Variants in HMGA1 observed in about 807,000 individuals in gnomAD.
HMGA1 encodes high mobility group protein HMG-I/HMG-Y.
HMGA1 carries 1 observed loss-of-function variant against 15.1 expected under a neutral mutation model. That is an observed-to-expected ratio of 0.07 (90% confidence interval 0.02 to 0.31). The LOEUF (loss-of-function observed/expected upper bound fraction) is 0.31. Among genes scored for constraint, HMGA1 ranks in the 10% least tolerant of loss-of-function variants. The probability of loss-of-function intolerance (pLI) is 1.00; values close to 1 mark genes in which losing one functional copy is unlikely to be tolerated. For missense variants in HMGA1, 94 were observed against 141.4 expected, an observed-to-expected ratio of 0.66 and a Z score of 1.70; for synonymous variants, 56 against 54.8, an observed-to-expected ratio of 1.02 and a Z score of -0.10.
chr6:34,237,767 G>T (rs571105981), intron 2 of HMGA1, among the ~76,000 whole-genome samples: 6 of 151,464 alleles, frequency 4.0e-5, no homozygotes, highest in Non-Finnish European at 7.4e-5. Context: ...GTGGGGGGTC[G>T]GGCGCCCCCC....
intron 3 of HMGA1, among the ~76,000 whole-genome samples, chr6:34,242,211 G>C (rs761687395): frequency 7.9e-5 from 12 of 152,212 alleles, no homozygotes; most frequent in Non-Finnish European, 1.6e-4. Flanking sequence ...ATGGGCTCCA[G>C]GTTTGCAAGT....
intron 2 of HMGA1, 41 bp from the exon 3 acceptor site, chr6:34,240,696 G>C (rs756240557): frequency 3.3e-6 from 5 of 1,523,414 alleles, no homozygotes; most frequent in Non-Finnish European, 4.5e-6. Flanking sequence ...GAAAGTGGCT[G>C]AAGCGAGATG....
rs1015102202 is a variant in HMGA1 at position 34,245,199 on chromosome 6, C to T, written c.*315C>T. ...ACTTAGCCGCACCCTGCACCTGCTGCGTCCCCACTCCCTTGGTGGTGGGGA... is the reference window on the plus strand; with the variant it reads ...ACTTAGCCGCACCCTGCACCTGCTGTGTCCCCACTCCCTTGGTGGTGGGGA... On this transcript the variant is annotated 3_prime_UTR_variant, in exon 6 of 6. Transcript: ENST00000311487. 2.5e-5 allele frequency: 36 copies of T among 1,415,188 alleles called. No individual in the cohort carries two copies. The highest frequency in any genetic ancestry group is 3.2e-5 in the East Asian group (1 of 31,692). The allele number at this position is 1,415,188 out of a possible 1,614,324, so 87.7% of individuals were successfully genotyped here. A position where few individuals can be genotyped will look rare whatever the true frequency, so the allele number is the denominator to read the frequency against.
At chr6:34,237,620 A>G (rs1761890675) in intron 2 of HMGA1, among the ~76,000 whole-genome samples, 1 of 146,730 alleles carries the variant, frequency 6.8e-6, no homozygotes, top group Non-Finnish European at 1.5e-5. Context: ...GGCGAGCGCG[A>G]GTTGTGCACC....
Position 34,245,280 on chromosome 6 carries a change from C to G in HMGA1, c.*396C>G. The G allele has an allele frequency of 2.9e-6, 4 of 1,373,288 alleles. No individual in the cohort carries two copies. Among genetic ancestry groups the G allele is most frequent in the Non-Finnish European group, 3.8e-6 (4 of 1,041,080 alleles). 85.1% of individuals were successfully genotyped at this position (1,373,288 alleles called of 1,614,324 possible). On this transcript the variant is annotated 3_prime_UTR_variant, in exon 6 of 6. Coordinates refer to ENST00000311487, the MANE Select transcript of HMGA1 (RefSeq NM_145899.3). ...GCCCTCTCTGCTCCTTCACTGTTCC[C>G]TCTGGCTTCCCATAGTGGGGCCTGG...
intron 2 of HMGA1, among the ~76,000 whole-genome samples, chr6:34,238,358 G>C (rs1422319904): frequency 6.6e-6 from 1 of 152,164 alleles, no homozygotes; most frequent in Non-Finnish European, 1.5e-5. Context: ...CTGATGCCTC[G>C]GGGGTTTAGC....
intron 5 of HMGA1, 149 bp downstream of exon 5, chr6:34,243,667 A>G (rs968097625): frequency 1.4e-5 from 11 of 761,176 alleles, no homozygotes; most frequent in Non-Finnish European, 2.6e-5. Context: ...CAGAGAGGGG[A>G]AGGTACCTGG....
chr6:34,244,683 T>C, intron 5 of HMGA1, 148 bp from the exon 6 acceptor site: 1 of 714,100 alleles, frequency 1.4e-6, no homozygotes, highest in Non-Finnish European at 2.6e-6. Flanking sequence ...AGCCGGGCCG[T>C]GGAGGTTGCT....
chr6:34,240,976 G>GT (rs1762257383), intron 3 of HMGA1, 61 bp downstream of exon 3: 3 of 1,594,298 alleles, frequency 1.9e-6, no homozygotes, highest in Non-Finnish European at 2.6e-6. Flanking sequence ...GGTGCCTGGA[G>GT]TTTCATTCAG....
At chr6:34,243,342 G>A in intron 4 of HMGA1, 126 bp from the exon 5 acceptor site, 1 of 764,992 alleles carries the variant, frequency 1.3e-6, no homozygotes. Context: ...ACTTGGGTGG[G>A]CCTGTTGGGT....
rs1408141010 is a variant in HMGA1, at chr6:34,243,497, A to G, written c.249A>G (p.Pro83=). 1 of 1,613,888 alleles carries G rather than the reference A, an allele frequency of 6.2e-7. No individual in the cohort carries two copies. The highest frequency in any genetic ancestry group is 8.5e-7 in the Non-Finnish European group (1 of 1,179,834). The change falls in exon 5 of 6, where the codon CCA becomes CCG. Residue 83 remains proline (P), a synonymous_variant. Coordinates refer to ENST00000311487, the MANE Select transcript of HMGA1 (RefSeq NM_145899.3). The stretch of plus-strand genomic sequence containing the variant: ...CCACCACAACTCCAGGAAGGAAACC[A>G]AGGGGCAGACCCAAAAAACTGGTAG... ...RKTTTTPGRK[P]RGRPKKLEKE...
intron 5 of HMGA1, among the ~76,000 whole-genome samples, chr6:34,244,540 C>T (rs1291499863): frequency 1.3e-5 from 2 of 152,332 alleles, no homozygotes; most frequent in Admixed American, 1.3e-4. Context: ...CATCCTGAAG[C>T]TCATTGCTGC....
chr6:34,237,745 C>G (rs1761917713), intron 2 of HMGA1, among the ~76,000 whole-genome samples: 1 of 151,388 alleles, frequency 6.6e-6, no homozygotes, highest in South Asian at 2.1e-4. Context: ...CGGGCTGCGG[C>G]GCGGCAGGAG....
At chr6:34,240,638 G>C in intron 2 of HMGA1, 99 bp from the exon 3 acceptor site, 1 of 975,000 alleles carries the variant, frequency 1.0e-6, no homozygotes, top group East Asian at 2.6e-5. Context: ...GCCCATGGGA[G>C]CACAGTTTTC....
At chr6:34,239,765 C>T (rs1165690599) in intron 2 of HMGA1, among the ~76,000 whole-genome samples, 2 of 152,150 alleles carry the variant, frequency 1.3e-5, no homozygotes, top group African/African-American at 4.8e-5. Context: ...GTTGCAGGCC[C>T]TCCTTCCAAT....
At chr6:34,243,273 TA>T (rs1371119646) in intron 4 of HMGA1, among the ~76,000 whole-genome samples, 194 bp from the exon 5 acceptor site, 1 of 151,074 alleles carries the variant, frequency 6.6e-6, no homozygotes, top group Non-Finnish European at 1.5e-5. Flanking sequence ...GAGGTGGGAG[TA>T]GGGGGCGTGT....
At chr6:34,237,558 G>A (rs1219543403) in intron 2 of HMGA1, among the ~76,000 whole-genome samples, 1 of 145,726 alleles carries the variant, frequency 6.9e-6, no homozygotes, top group South Asian at 2.1e-4. Context: ...GCGCCCTGCG[G>A]GGGGCGGGGA....
chr6:34,242,865 A>G, intron 4 of HMGA1, 70 bp downstream of exon 4: 2 of 1,197,568 alleles, frequency 1.7e-6, no homozygotes, highest in South Asian at 1.3e-5. Flanking sequence ...CACCATGGCC[A>G]CGGCTGTGGG....
At chr6:34,241,438 G>A (rs1378622821) in intron 3 of HMGA1, among the ~76,000 whole-genome samples, 1 of 152,250 alleles carries the variant, frequency 6.6e-6, no homozygotes, top group Non-Finnish European at 1.5e-5. Flanking sequence ...GCCAGCACCT[G>A]TTTGTGCACA....
Sources: allele counts gnomAD v4.1 joint callset (sites outside exome capture counted in the v4.1 genomes callset), GRCh38; gene constraint gnomAD v4.1.1; transcripts MANE v1.5; gene names NCBI Gene and HGNC (gene_info 2026-07-23, HGNC 2026-07-21).